The following ZCCHC2 variants were observed in gnomAD, a reference collection of about 807,000 sequenced individuals.
The protein encoded by ZCCHC2 is zinc finger CCHC-type containing 2.
Under a neutral mutation model 103.6 loss-of-function variants are expected in ZCCHC2, and 39 were observed. That is an observed-to-expected ratio of 0.38 (90% CI 0.29 to 0.49). The LOEUF is 0.49. Among genes scored for constraint, ZCCHC2 ranks in the 20% least tolerant of loss-of-function variants. ZCCHC2 has a pLI of 0.96. For missense variants in ZCCHC2, 1,483 were observed against 1,491.0 expected, an observed-to-expected ratio of 0.99 and a Z score of 0.09; for synonymous variants, 687 against 608.9, an observed-to-expected ratio of 1.13 and a Z score of -1.89.
intron 11 of ZCCHC2, 122 bp from the exon 12 acceptor site, chr18:62,569,981 T>C: frequency 1.1e-6 from 1 of 933,714 alleles, no homozygotes; most frequent in Non-Finnish European, 1.6e-6. Flanking sequence ...AGGACAAGCT[T>C]TTTTAGATGG....
At chr18:62,568,843 C>T (rs1436355303) in intron 11 of ZCCHC2, among the ~76,000 whole-genome samples, 2 of 152,188 alleles carry the variant, frequency 1.3e-5, no homozygotes, top group Non-Finnish European at 2.9e-5. Context: ...CATCATTAGT[C>T]CAATTTAATG....
At chr18:62,536,249 A>G (rs949454344) in intron 1 of ZCCHC2, among the ~76,000 whole-genome samples, 4 of 152,236 alleles carry the variant, frequency 2.6e-5, no homozygotes, top group African/African-American at 9.6e-5. Flanking sequence ...GAGGCAAGCG[A>G]TAGGACAGAA....
chr18:62,530,703 G>C (rs1193866813), intron 1 of ZCCHC2, among the ~76,000 whole-genome samples: 1 of 152,138 alleles, frequency 6.6e-6, no homozygotes, highest in African/African-American at 2.4e-5. Flanking sequence ...GTGTTCTACA[G>C]ATAAACCCAA....
downstream of ZCCHC2, among the ~76,000 whole-genome samples, chr18:62,580,213 T>C (rs1917006056): frequency 6.6e-6 from 1 of 152,240 alleles, no homozygotes; most frequent in South Asian, 2.1e-4. Flanking sequence ...CCCTACCTTA[T>C]GATAGTCTCA....
At chr18:62,573,385 C>A (rs1437307569) in intron 12 of ZCCHC2, among the ~76,000 whole-genome samples, 1 of 152,098 alleles carries the variant, frequency 6.6e-6, no homozygotes, top group Admixed American at 6.5e-5. Context: ...GGAGTAGTAG[C>A]CGATGCAGTG....
Position 62,563,086 on chromosome 18 carries a change from G to A in ZCCHC2, c.1628G>A (p.Arg543Lys). 6 of 1,613,932 alleles carry A rather than the reference G, an allele frequency of 3.7e-6. No homozygotes were observed. The highest frequency in any genetic ancestry group is 4.2e-6 in the Non-Finnish European group (5 of 1,179,838). ...GAACAGAATGGAATTGTGGATTGGA[G>A]GAAGCAAAGCTGTACCACCATTCAA... is the stretch of plus-strand genomic sequence containing the variant. ...YSEQNGIVDWRKQSCTTIQHP... is the reference protein window; with the variant it reads ...YSEQNGIVDWKKQSCTTIQHP... Residue 543 changes from arginine to lysine, a missense_variant, in exon 9 of 14, where the codon AGG (arginine) becomes AAG (lysine). This residue lies in a region of ZCCHC2 where 884 missense variants were observed against 907.5 expected (regional missense o/e 0.97). Transcript: ENST00000269499.
exon 15 of ZCCHC2, chr18:62,584,852 A>G (rs1417286857): frequency 6.6e-6 from 1 of 152,292 alleles, no homozygotes; most frequent in African/African-American, 2.4e-5. Flanking sequence ...AGACAGGCCC[A>G]TGGTGATGCT....
At position 62,524,322 on chromosome 18, in the gene ZCCHC2, G is replaced by A. The variant is rs1262987901; in HGVS notation, c.898G>A (p.Val300Met). ...ALRGGPEDAE[V>M]EVEPCKFAGP... is the part of the protein sequence containing the mutation. ...CCGCGGGGGCCCCGAGGACGCGGAG[G>A]TGGAGGTAGAGCCGTGCAAGTTTGC... The change falls in exon 1 of 14, where the codon GTG (valine) becomes ATG (methionine). Residue 300 changes from valine to methionine, a missense_variant. Physicochemically the swap from Val to Met is conservative, Grantham distance 21. This residue lies in a region of ZCCHC2 where 568 missense variants were observed against 525.1 expected (regional missense o/e 1.08). Coordinates refer to ENST00000269499, the MANE Select transcript of ZCCHC2 (RefSeq NM_017742.6). The A allele has an allele frequency of 2.6e-6, 4 of 1,547,730 alleles. No individual in the cohort carries two copies. In the African/African-American group the frequency reaches 5.5e-5, roughly 21 times the overall value.
intron 7 of ZCCHC2, 137 bp from the exon 8 acceptor site, chr18:62,560,450 C>T (rs1916067525): frequency 1.7e-6 from 1 of 583,082 alleles, no homozygotes; most frequent in Non-Finnish European, 2.9e-6. Context: ...CTTAAGATGT[C>T]TTCTATGTTG....
At chr18:62,568,650 G>A (rs1316029991) in intron 11 of ZCCHC2, among the ~76,000 whole-genome samples, 1 of 152,174 alleles carries the variant, frequency 6.6e-6, no homozygotes, top group Non-Finnish European at 1.5e-5. Context: ...TTGAACTATA[G>A]TCTACTGTAG....
At position 62,576,632 on chromosome 18, in the gene ZCCHC2, G is replaced by A; in HGVS notation, c.*53G>A. The A allele has an allele frequency of 2.0e-6, 3 of 1,533,716 alleles. No individual in the cohort carries two copies. The highest frequency in any genetic ancestry group is 1.4e-5 in the African/African-American group (1 of 73,228). On this transcript the variant is annotated 3_prime_UTR_variant, in exon 14 of 14. Transcript: ENST00000269499. ...ACTCAAGTGTGGGGAGTCATGGGGT[G>A]TGGAGGGGAGGAAAGGAAAGGTATT...
chr18:62,550,486 T>G (rs748239270), intron 5 of ZCCHC2, 26 bp downstream of exon 5: 1 of 1,574,796 alleles, frequency 6.4e-7, no homozygotes. Context: ...ACGCCTATCA[T>G]AGCAGCATAC....
At chr18:62,562,868 T>G (rs1360340310) in intron 8 of ZCCHC2, 141 bp from the exon 9 acceptor site, 1 of 889,578 alleles carries the variant, frequency 1.1e-6, no homozygotes, top group Non-Finnish European at 1.7e-6. Flanking sequence ...ATAGTATACT[T>G]TTTTTTCTTA....
At chr18:62,549,222 A>C (rs1915559291) in intron 4 of ZCCHC2, among the ~76,000 whole-genome samples, 1 of 152,084 alleles carries the variant, frequency 6.6e-6, no homozygotes, top group Admixed American at 6.5e-5. Flanking sequence ...CCGTCTCAAA[A>C]AAAAAAAAAA....
Position 62,556,294 on chromosome 18 carries a change from A to T in ZCCHC2, c.1405A>T (p.Ile469Phe). ...QSISSDSLHS[I>F]NNLQSSLKTS... ...CATATCATCAGACTCCCTACACAGT[A>T]TCAGTAAGCATCCTCTGTCCCTCTG... is the stretch of plus-strand genomic sequence containing the variant. Residue 469 changes from isoleucine to phenylalanine, a missense_variant, in exon 6 of 14, where the codon ATC becomes TTC. By Grantham distance (21) the Ile-to-Phe change is conservative. Around this residue, in one of 3 missense-constraint regions of ZCCHC2, gnomAD observed 884 missense variants for 907.5 expected, o/e 0.97. Coordinates refer to ENST00000269499, the MANE Select transcript of ZCCHC2 (RefSeq NM_017742.6). 2 of 1,590,764 alleles carry T rather than the reference A, an allele frequency of 1.3e-6. No homozygotes were observed. Among genetic ancestry groups the T allele is most frequent in the Non-Finnish European group, 1.7e-6 (2 of 1,166,952 alleles).
In ZCCHC2 at chr18:62,576,537, TC is replaced by T; in HGVS notation, c.3499del (p.Leu1167SerfsTer72). 6.2e-7 allele frequency: 1 copy of T among 1,613,640 alleles called. No homozygotes were observed. Among genetic ancestry groups the T allele is most frequent in the Non-Finnish European group, 8.5e-7 (1 of 1,179,666 alleles). On this transcript the variant is annotated frameshift_variant, in exon 14 of 14. Coordinates refer to ENST00000269499, the MANE Select transcript of ZCCHC2 (RefSeq NM_017742.6). LOFTEE classifies it high-confidence loss of function. The stretch of plus-strand genomic sequence containing the variant: ...GCACTTACAGACTGAGATACGCACC[TC>T]CCCTCCCCCCTTCTAATGATACGTT... ...QGTYRLRYAP[P>X]LPPSNDTLDS... is the part of the protein sequence containing the mutation.
chr18:62,545,955 A>G (rs1012666626), intron 4 of ZCCHC2, among the ~76,000 whole-genome samples: 47 of 152,198 alleles, frequency 3.1e-4, no homozygotes, highest in Non-Finnish European at 4.4e-5. Context: ...TGTGAATTCC[A>G]CTGGATTTCT....
At chr18:62,539,228 A>G (rs1231441600) in intron 1 of ZCCHC2, among the ~76,000 whole-genome samples, 1 of 152,188 alleles carries the variant, frequency 6.6e-6, no homozygotes, top group Non-Finnish European at 1.5e-5. Context: ...TTGTTTAGAA[A>G]TCCTTGGCAT....
chr18:62,532,209 A>G (rs1019530631), intron 1 of ZCCHC2, among the ~76,000 whole-genome samples: 6 of 152,220 alleles, frequency 3.9e-5, no homozygotes, highest in African/African-American at 1.4e-4. Context: ...AAAAGAATAC[A>G]TGATTGATTT....
Sources: gnomAD v4.1 joint callset for allele counts (sites outside exome capture counted in the v4.1 genomes callset) on GRCh38, gnomAD v4.1.1 for gene constraint, gnomAD v4.1.1 regional missense constraint, MANE v1.5 for transcripts, NCBI Gene and HGNC (gene_info 2026-07-23, HGNC 2026-07-21) for gene names.